The following CSMD2 variants were observed in gnomAD, a reference collection of about 807,000 sequenced individuals.
CSMD2 encodes the protein CUB and Sushi multiple domains 2.
A neutral mutation model predicts 398.5 loss-of-function variants in CSMD2; 130 were observed. That is an observed-to-expected ratio of 0.33 (90% confidence interval 0.28 to 0.38). The LOEUF (loss-of-function observed/expected upper bound fraction) is 0.38, where lower values mean the gene tolerates loss of function less well. Ranked by LOEUF, CSMD2 falls within the 10% of genes least tolerant of loss-of-function variation. CSMD2 has a pLI of 1.00. For synonymous variants in CSMD2, 1,828 were observed against 1,908.5 expected (o/e 0.96, Z 1.10); for missense variants, 3,829 against 4,764.9 (o/e 0.80, Z 5.78).
chr1:34,028,779 G>T (rs1468253514), intron 3 of CSMD2, among the ~76,000 whole-genome samples: 2 of 152,184 alleles, frequency 1.3e-5, no homozygotes, highest in Non-Finnish European at 2.9e-5. Context: ...CTTAATACAG[G>T]TTGATCCCCT....
In CSMD2 at chr1:33,636,397, C is replaced by T; in HGVS notation, c.4932G>A (p.Gly1644=). The T allele has an allele frequency of 6.2e-7, 1 of 1,613,536 alleles. No individual in the cohort carries two copies. Among genetic ancestry groups the T allele is most frequent in the South Asian group, 1.1e-5 (1 of 90,970 alleles). Residue 1644 remains glycine, a synonymous_variant, in exon 30 of 71, where the codon GGG becomes GGA. Coordinates refer to ENST00000373381, the MANE Select transcript of CSMD2 (RefSeq NM_001281956.2). This position sits in a 1 kb window ranked among gnomAD's most constrained non-coding sequence, Gnocchi z 4.8. ...STLSCILGPD[G]KPVWNNPRPV... ...GCCGGGGATTGTTCCACACGGGCTT[C>T]CCATCAGGCCCCAGGATGCAGCTCA...
chr1:33,999,200 G>T lies in CSMD2; in HGVS notation c.517+33394C>A, dbSNP rs990368743. 5.3e-5 allele frequency among the ~76,000 whole-genome samples: 8 copies of T among 151,980 alleles called. 1 individual carries two copies. The highest frequency in any genetic ancestry group is 1.0e-4 in the Non-Finnish European group (7 of 68,004). On this transcript the variant is annotated intron_variant, in intron 3 of 70. Transcript: ENST00000373381. ...TACAGTTAATCCCTTTGAGAATAGG[G>T]GCTAAATCTACAAGACTGCAATGCC...
chr1:33,838,874 C>A, intron 6 of CSMD2: 1 of 153,056 alleles, frequency 6.5e-6, no homozygotes. Context: ...CTGGCATGCT[C>A]CATCACCATG....
chr1:33,721,603 T>TA (rs2149194216), intron 19 of CSMD2, among the ~76,000 whole-genome samples: 1 of 152,320 alleles, frequency 6.6e-6, no homozygotes, highest in East Asian at 1.9e-4. Flanking sequence ...ACAAGGACAC[T>TA]GTTCCAGCCC....
At chr1:33,985,260 G>A (rs1401117001) in intron 3 of CSMD2, among the ~76,000 whole-genome samples, 3 of 152,132 alleles carry the variant, frequency 2.0e-5, no homozygotes, top group Admixed American at 2.0e-4. Flanking sequence ...ACCCCTCCCT[G>A]GGAAGTAGTC....
At chr1:33,544,930 T>A (rs575975796) in intron 57 of CSMD2, among the ~76,000 whole-genome samples, 1 of 151,880 alleles carries the variant, frequency 6.6e-6, no homozygotes, top group African/African-American at 2.4e-5. Flanking sequence ...GCCTGTCAAA[T>A]CTCCAGCTCT....
intron 3 of CSMD2, among the ~76,000 whole-genome samples, chr1:33,951,340 G>C (rs909678288): frequency 6.6e-6 from 1 of 152,318 alleles, no homozygotes; most frequent in African/African-American, 2.4e-5. Flanking sequence ...ACACCTTGGT[G>C]GTTTGCTGGG....
chr1:33,703,554 G>T (rs562468106), intron 22 of CSMD2, among the ~76,000 whole-genome samples: 9 of 152,314 alleles, frequency 5.9e-5, no homozygotes, highest in Non-Finnish European at 1.3e-4. Context: ...AAGCAGGTCA[G>T]CAAGATGGCT....
intron 1 of CSMD2, among the ~76,000 whole-genome samples, chr1:34,105,231 G>A (rs1332299114): frequency 6.6e-6 from 1 of 152,132 alleles, no homozygotes; most frequent in East Asian, 1.9e-4. Flanking sequence ...AACATTTTGG[G>A]TGGGATAATT....
At chr1:33,688,442 G>A (rs1645127122) in intron 25 of CSMD2, among the ~76,000 whole-genome samples, 1 of 152,190 alleles carries the variant, frequency 6.6e-6, no homozygotes, top group Non-Finnish European at 1.5e-5. Flanking sequence ...ATTTTATGTG[G>A]GGTGTGAGGA....
intron 2 of CSMD2, among the ~76,000 whole-genome samples, chr1:34,073,781 T>C (rs1656006363): frequency 6.6e-6 from 1 of 152,228 alleles, no homozygotes; most frequent in Admixed American, 6.5e-5. Flanking sequence ...GCCACTATGT[T>C]AGTCCATTCT....
At chr1:33,621,082 C>T (rs1641740710) in intron 37 of CSMD2, among the ~76,000 whole-genome samples, 1 of 152,138 alleles carries the variant, frequency 6.6e-6, no homozygotes, top group Non-Finnish European at 1.5e-5. Flanking sequence ...CTCAGGCATC[C>T]CCTTCTGCAA....
At chr1:33,542,029 T>C (rs1054712867) in intron 58 of CSMD2, among the ~76,000 whole-genome samples, 6 of 152,188 alleles carry the variant, frequency 3.9e-5, no homozygotes, top group Admixed American at 1.3e-4. Context: ...GGGTGGGGCT[T>C]GGTGAGCTCT....
intron 9 of CSMD2, among the ~76,000 whole-genome samples, chr1:33,811,669 G>T (rs569804011): frequency 1.3e-5 from 2 of 152,302 alleles, no homozygotes; most frequent in East Asian, 3.9e-4. Flanking sequence ...ATCTAATTAA[G>T]CTCTTTAAAA....
chr1:33,965,358 T>C (rs1366024130), intron 3 of CSMD2, among the ~76,000 whole-genome samples: 1 of 152,182 alleles, frequency 6.6e-6, no homozygotes, highest in Non-Finnish European at 1.5e-5. Context: ...TCTGAAATTA[T>C]GCAAGAGAAC....
chr1:33,586,985 A>C, intron 45 of CSMD2, 103 bp downstream of exon 45: 1 of 808,624 alleles, frequency 1.2e-6, no homozygotes, highest in East Asian at 2.7e-5. Context: ...CTCCACAGAC[A>C]GGAGCAGGGG....
intron 49 of CSMD2, 121 bp from the exon 50 acceptor site, chr1:33,572,812 T>A: frequency 1.4e-6 from 1 of 710,992 alleles, no homozygotes; most frequent in Non-Finnish European, 2.1e-6. Context: ...AAGGGTAAAG[T>A]ATCATAATAA....
chr1:33,663,625 T>C (rs1185503508), intron 25 of CSMD2, among the ~76,000 whole-genome samples: 1 of 152,138 alleles, frequency 6.6e-6, no homozygotes, highest in East Asian at 1.9e-4. Context: ...GGATATTAGC[T>C]ATATGTAGGC....
Position 33,531,120 on chromosome 1 carries a change from T to A in CSMD2, c.10171+1930A>T, listed in dbSNP as rs576706601. On this transcript the variant is annotated intron_variant, in intron 64 of 70. Coordinates refer to ENST00000373381, the MANE Select transcript of CSMD2 (RefSeq NM_001281956.2). ...GATTTTGTGTTCTTACCACAAAAAATGGCAAGTATATGAAGTTAATGGATA... is the reference window on the plus strand; with the variant it reads ...GATTTTGTGTTCTTACCACAAAAAAAGGCAAGTATATGAAGTTAATGGATA... Among the ~76,000 whole-genome samples the A allele has an allele frequency of 2.0e-5, 3 of 152,322 alleles. No homozygotes were observed. In the South Asian group the frequency reaches 6.2e-4, roughly 32 times the overall value.
Sources: allele counts gnomAD v4.1 joint callset (sites outside exome capture counted in the v4.1 genomes callset), GRCh38; gene constraint gnomAD v4.1.1; non-coding constraint Gnocchi (gnomAD v3.1); transcripts MANE v1.5; gene names NCBI Gene and HGNC (gene_info 2026-07-23, HGNC 2026-07-21).